SERINC5: variants seen among roughly 807,000 people sequenced by gnomAD.
SERINC5 encodes serine incorporator 5, also known as chromosome 5 open reading frame 12.
Under a neutral mutation model 63.1 loss-of-function variants are expected in SERINC5, and 41 were observed. That is an observed-to-expected ratio of 0.65 (90% CI 0.51 to 0.84). The LOEUF is 0.84. SERINC5 is among the 40% of genes least tolerant of loss of function. The pLI is 0.00. For synonymous variants in SERINC5, 222 were observed against 215.2 expected (o/e 1.03, Z -0.28); for missense variants, 523 against 573.0 (o/e 0.91, Z 0.89).
chr5:80,119,474 T>G lies in SERINC5; in HGVS notation c.1239-5849A>C, dbSNP rs370927141. Among the ~76,000 whole-genome samples, 5 of 152,300 alleles carry G rather than the reference T, an allele frequency of 3.3e-5. No homozygotes were observed. The South Asian group carries it at 1.0e-3, about 32-fold the overall frequency. ...CAGTGCAGGGATCAGCTGGGTGGGT[T>G]TGTCAGCAGAGAACAGGGCCACCAG... On this transcript the variant is annotated intron_variant, in intron 11 of 12. Coordinates refer to the SERINC5 transcript ENST00000509193.
chr5:80,236,853 T>C (rs1169504498), intron 1 of SERINC5, among the ~76,000 whole-genome samples: 1 of 150,468 alleles, frequency 6.6e-6, no homozygotes. Flanking sequence ...TTTTCTTTTC[T>C]TTTTTTATTT....
chr5:80,131,837 C>G, intron 11 of SERINC5, among the ~76,000 whole-genome samples: 1 of 152,116 alleles, frequency 6.6e-6, no homozygotes, highest in Non-Finnish European at 1.5e-5. Context: ...TGAATTTGGG[C>G]TGAGCCTAAA....
intron 8 of SERINC5, among the ~76,000 whole-genome samples, chr5:80,156,079 G>T (rs1324186022): frequency 1.6e-4 from 24 of 152,180 alleles, no homozygotes; most frequent in Admixed American, 1.6e-3. Context: ...GAGCTAGGGA[G>T]ATTTCCAGTC....
At position 80,140,519 on chromosome 5, in the gene SERINC5, A is replaced by AGG. The variant is rs1745446480; in HGVS notation, c.*3143_*3144insCC. On this transcript the variant is annotated 3_prime_UTR_variant, in exon 12 of 12. Coordinates refer to ENST00000507668, the MANE Select transcript of SERINC5 (RefSeq NM_001174072.3). The stretch of plus-strand genomic sequence containing the variant: ...TATCTCCCCTTCAAAGAGGCTCCAA[A>AGG]TACCTCTGGCAAATAATTTCTTTTT... 3.0e-6 allele frequency: 3 copies of AGG among 984,658 alleles called. No homozygotes were observed. Among genetic ancestry groups the AGG allele is most frequent in the African/African-American group, 1.8e-5 (1 of 57,030 alleles). The allele number at this position is 984,658 out of a possible 1,614,324, so 61.0% of individuals were successfully genotyped here.
intron 12 of SERINC5, among the ~76,000 whole-genome samples, chr5:80,112,612 C>A (rs747441254): frequency 4.1e-4 from 63 of 152,100 alleles, no homozygotes; most frequent in Non-Finnish European, 7.1e-4. Context: ...TCCCACCTGA[C>A]GAGAAATACC....
Position 80,196,917 on chromosome 5 carries a change from G to C in SERINC5, c.195+5969C>G, listed in dbSNP as rs145476684. Among the ~76,000 whole-genome samples, 1,302 of 152,190 alleles carry C rather than the reference G, an allele frequency of 8.6e-3. 24 individuals carry two copies. Among genetic ancestry groups the C allele is most frequent in the African/African-American group, 0.03 (1,228 of 41,510 alleles). On this transcript the variant is annotated intron_variant, in intron 2 of 11. Transcript: ENST00000507668. ...ATCACACCACTGCACTCTAGCCTGG[G>C]TAACAGAGTGAAACTCCATCTCAAA...
At chr5:80,155,335 C>T (rs988999967) in intron 8 of SERINC5, among the ~76,000 whole-genome samples, 2 of 152,134 alleles carry the variant, frequency 1.3e-5, no homozygotes, top group South Asian at 2.1e-4. Flanking sequence ...GAGGCCAAGG[C>T]GGGCGGATCA....
chr5:80,162,842 T>G (rs1164148368), intron 7 of SERINC5, among the ~76,000 whole-genome samples: 1 of 147,308 alleles, frequency 6.8e-6, no homozygotes, highest in Non-Finnish European at 1.5e-5. Context: ...GAAACACTAC[T>G]GACTTTTTTT....
At position 80,202,879 on chromosome 5, in the gene SERINC5, A is replaced by T. The variant is rs1370686380; in HGVS notation, c.195+7T>A. The T allele has an allele frequency of 1.2e-6, 2 of 1,604,108 alleles. No individual in the cohort carries two copies. Among genetic ancestry groups the T allele is most frequent in the Admixed American group, 3.4e-5 (2 of 59,508 alleles). On this transcript the variant is annotated splice_region_variant and intron_variant, in intron 2 of 11. Transcript: ENST00000507668. ...AAATAGGACGAGCTGAACACGGACA[A>T]ACTTACGTGCTCTTTCATCTTGTGA...
At chr5:80,198,423 G>T (rs1749636024) in intron 2 of SERINC5, 2 of 574,694 alleles carry the variant, frequency 3.5e-6, no homozygotes, top group African/African-American at 4.1e-5. Context: ...CTTAAACACA[G>T]GCCACATTCT....
intron 12 of SERINC5, among the ~76,000 whole-genome samples, chr5:80,112,138 G>C (rs1009360906): frequency 6.6e-6 from 1 of 152,132 alleles, no homozygotes; most frequent in East Asian, 1.9e-4. Context: ...ACCCGTGAAG[G>C]GTCTGTGCTG....
At chr5:80,170,791 G>C (rs919613870) in intron 5 of SERINC5, among the ~76,000 whole-genome samples, 2 of 152,136 alleles carry the variant, frequency 1.3e-5, no homozygotes, top group Non-Finnish European at 2.9e-5. Context: ...CGAGGCAGGT[G>C]AATCACTTGA....
intron 7 of SERINC5, 65 bp from the exon 8 acceptor site, chr5:80,159,027 C>T (rs1156771925): frequency 1.3e-6 from 2 of 1,581,752 alleles, no homozygotes; most frequent in Admixed American, 1.7e-5. Context: ...CACAGAAGCA[C>T]TCATTTTGGG....
At chr5:80,159,178 C>G (rs971330275) in intron 7 of SERINC5, among the ~76,000 whole-genome samples, 6 of 152,214 alleles carry the variant, frequency 3.9e-5, no homozygotes, top group African/African-American at 1.4e-4. Context: ...ATCCTTGGAA[C>G]AAGACCCTCA....
chr5:80,177,461 C>T (rs915129690), intron 3 of SERINC5, 64 bp from the exon 4 acceptor site: 5 of 1,309,378 alleles, frequency 3.8e-6, no homozygotes, highest in African/African-American at 1.5e-5. Context: ...GACAAAGGAC[C>T]TCGTAGAAGG....
intron 11 of SERINC5, among the ~76,000 whole-genome samples, chr5:80,125,265 G>T (rs1293954353): frequency 6.6e-6 from 1 of 152,102 alleles, no homozygotes; most frequent in Admixed American, 6.6e-5. Context: ...CCACATAAAC[G>T]AACAATTACA....
chr5:80,210,272 G>A (rs781159517), intron 1 of SERINC5, among the ~76,000 whole-genome samples: 3 of 152,096 alleles, frequency 2.0e-5, no homozygotes, highest in South Asian at 2.1e-4. Flanking sequence ...TGTCCTTGCC[G>A]GGGCAAAGAA....
rs1456409563 is a variant in SERINC5, at chr5:80,140,356, T to C, written c.*3307A>G. ...AAGGCTTAGGGTGACAATTTTGACA[T>C]GGGGACAGGAAATTAACATTACACT... On this transcript the variant is annotated 3_prime_UTR_variant, in exon 12 of 12. Transcript: ENST00000507668. 3.3e-6 allele frequency: 3 copies of C among 900,982 alleles called. No homozygotes were observed. Among genetic ancestry groups the C allele is most frequent in the African/African-American group, 3.9e-5 (2 of 51,410 alleles). 55.8% of individuals were successfully genotyped at this position (900,982 alleles called of 1,614,324 possible).
intron 1 of SERINC5, among the ~76,000 whole-genome samples, chr5:80,226,876 A>T (rs4704646): frequency 0.6 from 91,138 of 152,008 alleles, 27,607 homozygotes; most frequent in African/African-American, 0.67. Context: ...AGAGGATTAT[A>T]ATTTAAATTT....
Sources: gnomAD v4.1 joint callset for allele counts (sites outside exome capture counted in the v4.1 genomes callset) on GRCh38, gnomAD v4.1.1 for gene constraint, MANE v1.5 for transcripts, NCBI Gene and HGNC (gene_info 2026-07-23, HGNC 2026-07-21) for gene names.